ANKS1B: variants seen among roughly 807,000 people sequenced by gnomAD.
ANKS1B encodes the protein ankyrin repeat and sterile alpha motif domain containing 1B.
Under a neutral mutation model 148.3 loss-of-function variants are expected in ANKS1B, and 36 were observed. The observed-to-expected ratio is 0.24, with a 90% CI of 0.19 to 0.32. The LOEUF (loss-of-function observed/expected upper bound fraction) is 0.32, where lower values mean the gene tolerates loss of function less well. Among genes scored for constraint, ANKS1B ranks in the 10% least tolerant of loss-of-function variants. The pLI is 1.00. For synonymous variants in ANKS1B, 542 were observed against 560.8 expected (o/e 0.97, Z 0.47); for missense variants, 1,157 against 1,542.6 (o/e 0.75, Z 4.19).
chr12:99,197,754 T>G (rs560462666), intron 14 of ANKS1B, among the ~76,000 whole-genome samples: 77 of 152,324 alleles, frequency 5.1e-4, no homozygotes, highest in African/African-American at 1.9e-3. Context: ...GAAATGGATT[T>G]TTTTTGAAAG....
At chr12:99,635,805 T>C (rs1598533338) in intron 9 of ANKS1B, among the ~76,000 whole-genome samples, 1 of 152,070 alleles carries the variant, frequency 6.6e-6, no homozygotes, top group East Asian at 1.9e-4. Flanking sequence ...ATTATGCAAA[T>C]GTAACATTTA....
At chr12:99,620,112 G>A (rs941058332) in intron 9 of ANKS1B, among the ~76,000 whole-genome samples, 2 of 152,154 alleles carry the variant, frequency 1.3e-5, no homozygotes, top group Non-Finnish European at 2.9e-5. Context: ...CCTGCCAACA[G>A]AAGAGCACAG....
intron 9 of ANKS1B, among the ~76,000 whole-genome samples, chr12:99,524,229 C>T (rs181542769): frequency 6.3e-4 from 96 of 152,132 alleles, no homozygotes; most frequent in African/African-American, 2.2e-3. Flanking sequence ...AGAAAAATAA[C>T]TTTTTTTTAA....
At chr12:98,913,256 G>A (rs1054372564) in intron 17 of ANKS1B, among the ~76,000 whole-genome samples, 2 of 152,012 alleles carry the variant, frequency 1.3e-5, no homozygotes, top group Admixed American at 6.6e-5. Flanking sequence ...ATGTAACAAT[G>A]TACCAATCAT....
Position 99,154,829 on chromosome 12 carries a change from T to A in ANKS1B, c.2420-434A>T, listed in dbSNP as rs2075806755. The A allele has an allele frequency of 9.9e-6, 15 of 1,520,840 alleles. 1 individual carries two copies. In the South Asian group the frequency reaches 1.6e-4, roughly 16 times the overall value. The allele number at this position is 1,520,840 out of a possible 1,614,324, so 94.2% of individuals were successfully genotyped here. A position where few individuals can be genotyped will look rare whatever the true frequency, so the allele number is the denominator to read the frequency against. ...CTACACTCATCAGTATGCAGCTCCA[T>A]GCTCCTTGCTCCCCCTCGCTCGCTC... On this transcript the variant is annotated intron_variant, in intron 14 of 26. Coordinates refer to ENST00000683438, the MANE Select transcript of ANKS1B (RefSeq NM_001352186.2).
At chr12:99,514,403 A>T (rs1234723977) in intron 9 of ANKS1B, among the ~76,000 whole-genome samples, 1 of 152,044 alleles carries the variant, frequency 6.6e-6, no homozygotes, top group Non-Finnish European at 1.5e-5. Flanking sequence ...AACTATCACA[A>T]ATCCAAAACT....
At chr12:99,598,195 G>A (rs2097773048) in intron 9 of ANKS1B, among the ~76,000 whole-genome samples, 1 of 152,010 alleles carries the variant, frequency 6.6e-6, no homozygotes, top group Admixed American at 6.6e-5. Context: ...AATGAACACA[G>A]GAATAGGCAT....
chr12:99,574,060 C>T (rs1448301902), intron 9 of ANKS1B, among the ~76,000 whole-genome samples: 2 of 152,056 alleles, frequency 1.3e-5, no homozygotes, highest in Non-Finnish European at 2.9e-5. Context: ...TTGCCTTGAC[C>T]AACATGACAC....
At chr12:99,601,675 G>T (rs747853889) in intron 9 of ANKS1B, among the ~76,000 whole-genome samples, 10 of 152,048 alleles carry the variant, frequency 6.6e-5, no homozygotes, top group Non-Finnish European at 1.2e-4. Flanking sequence ...AGTTTTGCAT[G>T]ACACAATACC....
chr12:99,113,425 A>G (rs1346723289), intron 15 of ANKS1B, among the ~76,000 whole-genome samples: 2 of 152,226 alleles, frequency 1.3e-5, no homozygotes, highest in Admixed American at 6.5e-5. Flanking sequence ...TGTATTAATT[A>G]ATGAATGAGT....
At chr12:99,122,995 A>ATATATATATATATATATATATAT (rs57571566) in intron 15 of ANKS1B, among the ~76,000 whole-genome samples, 6 of 141,530 alleles carry the variant, frequency 4.2e-5, no homozygotes, top group African/African-American at 1.6e-4. Context: ...AATTAAAAAA[A>ATATATATATATATATATATATAT]AAATATATAT....
At chr12:99,336,542 G>A (rs1174755349) in intron 12 of ANKS1B, among the ~76,000 whole-genome samples, 1 of 151,686 alleles carries the variant, frequency 6.6e-6, no homozygotes, top group East Asian at 1.9e-4. Context: ...TTTGATTTTT[G>A]TATACAATGA....
intron 10 of ANKS1B, among the ~76,000 whole-genome samples, chr12:99,463,825 G>C (rs1567151972): frequency 6.6e-6 from 1 of 152,248 alleles, no homozygotes; most frequent in Admixed American, 6.5e-5. Context: ...AGCTCAAGGA[G>C]GCCTGCCTGC....
intron 11 of ANKS1B, among the ~76,000 whole-genome samples, chr12:99,413,497 A>AT (rs1284301092): frequency 5.9e-5 from 9 of 152,174 alleles, no homozygotes; most frequent in African/African-American, 1.7e-4. Context: ...GGTAGCATTG[A>AT]TTTTTTTAAA....
At chr12:99,059,238 C>A (rs778826533) in intron 16 of ANKS1B, among the ~76,000 whole-genome samples, 14 of 152,124 alleles carry the variant, frequency 9.2e-5, no homozygotes, top group Non-Finnish European at 1.8e-4. Flanking sequence ...GGACTGCCTA[C>A]CCCTTGGTGA....
chr12:99,616,079 AC>A (rs1039851239), intron 9 of ANKS1B, among the ~76,000 whole-genome samples: 4 of 152,208 alleles, frequency 2.6e-5, no homozygotes, highest in Admixed American at 2.6e-4. Flanking sequence ...AATACAACTT[AC>A]AAGGGATGTG....
chr12:99,042,568 G>T (rs529528532), intron 17 of ANKS1B, among the ~76,000 whole-genome samples: 1 of 152,300 alleles, frequency 6.6e-6, no homozygotes, highest in East Asian at 1.9e-4. Flanking sequence ...CAGACAGCTT[G>T]TTCCATAGCA....
chr12:99,320,646 T>G (rs1301557829), intron 12 of ANKS1B, among the ~76,000 whole-genome samples: 1 of 152,230 alleles, frequency 6.6e-6, no homozygotes, highest in Non-Finnish European at 1.5e-5. Context: ...AACATCTTCC[T>G]TTAGCACAGA....
chr12:99,831,590 G>C (rs1229518542), intron 1 of ANKS1B, among the ~76,000 whole-genome samples: 4 of 152,158 alleles, frequency 2.6e-5, no homozygotes, highest in African/African-American at 9.7e-5. Context: ...TTGTCAGCTA[G>C]ATTTCTAACA....
Sources: allele counts gnomAD v4.1 joint callset (sites outside exome capture counted in the v4.1 genomes callset), GRCh38; gene constraint gnomAD v4.1.1; transcripts MANE v1.5; gene names NCBI Gene and HGNC (gene_info 2026-07-23, HGNC 2026-07-21).